The following PDE6D variants were observed in gnomAD, a reference collection of about 807,000 sequenced individuals.
The protein encoded by PDE6D is retinal rod rhodopsin-sensitive cGMP 3',5'-cyclic phosphodiesterase subunit delta.
In PDE6D, 10 loss-of-function variants were observed where a neutral mutation model predicts 21.9. The observed-to-expected ratio is 0.46, with a 90% CI of 0.28 to 0.78. PDE6D has a LOEUF of 0.78. Ranked by LOEUF, PDE6D falls within the 30% of genes least tolerant of loss-of-function variation. The pLI is 0.12. For missense variants in PDE6D, 139 were observed against 184.8 expected (o/e 0.75, Z 1.44); for synonymous variants, 59 against 63.5 (o/e 0.93, Z 0.34).
intron 1 of PDE6D, among the ~76,000 whole-genome samples, chr2:231,745,461 G>A (rs2048786723): frequency 6.6e-6 from 1 of 152,180 alleles, no homozygotes; most frequent in African/African-American, 2.4e-5. Context: ...CTATTTATAA[G>A]TTCTACCCTC....
At chr2:231,769,577 C>G (rs1303857345) in intron 1 of PDE6D, among the ~76,000 whole-genome samples, 1 of 151,948 alleles carries the variant, frequency 6.6e-6, no homozygotes, top group Admixed American at 6.6e-5. Flanking sequence ...CATACACACA[C>G]AGATATACAT....
chr2:231,773,700 TTC>T (rs2049031969), intron 1 of PDE6D, among the ~76,000 whole-genome samples: 1 of 152,144 alleles, frequency 6.6e-6, no homozygotes, highest in African/African-American at 2.4e-5. Flanking sequence ...GAAAGATGCT[TTC>T]AGAAACCTTC....
Position 231,774,922 on chromosome 2 carries a change from A to AT in PDE6D, c.50+6142dup, listed in dbSNP as rs1354021790. On this transcript the variant is annotated intron_variant, in intron 1 of 4. Transcript: ENST00000287600. ...TTTTTTTTAATAAATTTTTATTTTTATTTTTTTTGAGACAGAGTCTCACTC... is the reference window on the plus strand; with the variant it reads ...TTTTTTTTAATAAATTTTTATTTTTATTTTTTTTTGAGACAGAGTCTCACTC... Among the ~76,000 whole-genome samples the AT allele has an allele frequency of 4.1e-5, 5 of 121,298 alleles. No homozygotes were observed. The South Asian group carries it at 7.7e-4, about 19-fold the overall frequency. The allele number at this position is 121,298 out of a possible 152,430, so 79.6% of individuals were successfully genotyped here. A position where few individuals can be genotyped will look rare whatever the true frequency, so the allele number is the denominator to read the frequency against.
At chr2:231,746,527 A>C (rs918476534) in intron 1 of PDE6D, among the ~76,000 whole-genome samples, 2 of 152,240 alleles carry the variant, frequency 1.3e-5, no homozygotes, top group African/African-American at 2.4e-5. Context: ...CTCCTGTTAA[A>C]GTAGTTTGTA....
At chr2:231,741,002 G>A (rs1252851709) in intron 1 of PDE6D, among the ~76,000 whole-genome samples, 1 of 151,190 alleles carries the variant, frequency 6.6e-6, no homozygotes, top group Non-Finnish European at 1.5e-5. Context: ...GCCAGACGTG[G>A]TGGTGCCTGC....
intron 1 of PDE6D, among the ~76,000 whole-genome samples, chr2:231,756,033 G>T (rs964749338): frequency 6.6e-6 from 1 of 152,110 alleles, no homozygotes; most frequent in African/African-American, 2.4e-5. Flanking sequence ...AGGTAAAAAT[G>T]TGATGACAGA....
chr2:231,750,660 ATTTTTTTTT>A (rs561604556), intron 1 of PDE6D, among the ~76,000 whole-genome samples: 9 of 92,116 alleles, frequency 9.8e-5, no homozygotes, highest in African/African-American at 3.8e-4. Flanking sequence ...TGCTCATCTA[ATTTTTTTTT>A]TTTTTTTTTT....
intron 1 of PDE6D, among the ~76,000 whole-genome samples, chr2:231,759,452 G>A (rs979326583): frequency 2.0e-5 from 3 of 152,122 alleles, no homozygotes; most frequent in African/African-American, 4.8e-5. Flanking sequence ...CTTATTATTC[G>A]TGTGTACAAA....
chr2:231,772,563 A>G (rs905813218), intron 1 of PDE6D, among the ~76,000 whole-genome samples: 13 of 152,208 alleles, frequency 8.5e-5, no homozygotes, highest in African/African-American at 3.1e-4. Context: ...ATTCCTTCCT[A>G]TGATGCTAGG....
chr2:231,732,809 C>G lies in PDE6D; in HGVS notation c.*143G>C. 1.5e-6 allele frequency: 1 copy of G among 651,144 alleles called. No individual in the cohort carries two copies. Among genetic ancestry groups the G allele is most frequent in the East Asian group, 2.6e-5 (1 of 39,088 alleles). 40.3% of individuals were successfully genotyped at this position (651,144 alleles called of 1,614,324 possible). A position where few individuals can be genotyped will look rare whatever the true frequency, so the allele number is the denominator to read the frequency against. Reference sequence around the variant, plus strand: ...ATCTGGTTACCTACACAGAGCTGGTCCCCTGGTGGCTGCAGGTAGGTTCTG... The same window carrying G: ...ATCTGGTTACCTACACAGAGCTGGTGCCCTGGTGGCTGCAGGTAGGTTCTG... On this transcript the variant is annotated 3_prime_UTR_variant, in exon 5 of 5. Coordinates refer to ENST00000287600, the MANE Select transcript of PDE6D (RefSeq NM_002601.4).
chr2:231,744,868 A>G (rs1301631403), intron 1 of PDE6D, among the ~76,000 whole-genome samples: 3 of 152,200 alleles, frequency 2.0e-5, no homozygotes, highest in Non-Finnish European at 4.4e-5. Flanking sequence ...TATCTATATC[A>G]TGTGCATCAT....
chr2:231,750,442 T>A lies in PDE6D; in HGVS notation c.51-11254A>T, dbSNP rs537360866. On this transcript the variant is annotated intron_variant, in intron 1 of 4. Coordinates refer to ENST00000287600, the MANE Select transcript of PDE6D (RefSeq NM_002601.4). ...TATTTGATAAAATTTATGGTCTTAGTTATATATGTGAAAATATATGTCTAT... is the reference window on the plus strand; with the variant it reads ...TATTTGATAAAATTTATGGTCTTAGATATATATGTGAAAATATATGTCTAT... Among the ~76,000 whole-genome samples, 32 of 152,062 alleles carry A rather than the reference T, an allele frequency of 2.1e-4. No individual in the cohort carries two copies. The East Asian group carries it at 5.2e-3, about 25-fold the overall frequency.
At chr2:231,777,900 A>G (rs2049069770) in intron 1 of PDE6D, among the ~76,000 whole-genome samples, 1 of 152,250 alleles carries the variant, frequency 6.6e-6, no homozygotes, top group Non-Finnish European at 1.5e-5. Flanking sequence ...AAAAGATAGG[A>G]TATTTAGTTA....
intron 1 of PDE6D, among the ~76,000 whole-genome samples, chr2:231,767,412 T>C (rs1473676168): frequency 6.6e-6 from 1 of 151,498 alleles, no homozygotes; most frequent in African/African-American, 2.4e-5. Flanking sequence ...GCCTCCCAGG[T>C]TCATGCCCTT....
At chr2:231,737,668 G>A (rs1236032598) in intron 3 of PDE6D, 3 of 299,194 alleles carry the variant, frequency 1.0e-5, no homozygotes, top group African/African-American at 4.3e-5. Context: ...TCAATGCAGA[G>A]TGGCCTTGCC....
chr2:231,746,941 T>C (rs1179392824), intron 1 of PDE6D, among the ~76,000 whole-genome samples: 2 of 152,206 alleles, frequency 1.3e-5, no homozygotes, highest in Admixed American at 6.5e-5. Context: ...CCTACTTTAA[T>C]ACTGTATAGC....
chr2:231,768,744 A>C (rs1010955497), intron 1 of PDE6D: 1 of 151,908 alleles, frequency 6.6e-6, no homozygotes, highest in African/African-American at 2.4e-5. Flanking sequence ...AGTAGGAGTC[A>C]CCCTTTCTCT....
intron 1 of PDE6D, among the ~76,000 whole-genome samples, chr2:231,766,186 A>G (rs2048969486): frequency 1.3e-5 from 2 of 152,234 alleles, no homozygotes; most frequent in African/African-American, 4.8e-5. Context: ...TCCCCGTGAA[A>G]TAATACTCTT....
chr2:231,748,921 T>C (rs1009021120), intron 1 of PDE6D, among the ~76,000 whole-genome samples: 1 of 152,116 alleles, frequency 6.6e-6, no homozygotes. Context: ...GGAGTTTAGA[T>C]GTATGGAAAT....
Sources: gnomAD v4.1 joint callset for allele counts (sites outside exome capture counted in the v4.1 genomes callset) on GRCh38, gnomAD v4.1.1 for gene constraint, MANE v1.5 for transcripts, NCBI Gene and HGNC (gene_info 2026-07-23, HGNC 2026-07-21) for gene names.